UMOD: variants seen among roughly 807,000 people sequenced by gnomAD.
UMOD encodes uromodulin.
UMOD carries 64 observed loss-of-function variants against 66.0 expected under a neutral mutation model. The ratio of observed to expected loss-of-function variants is 0.97; its 90% CI spans 0.79 to 1.19. The LOEUF (loss-of-function observed/expected upper bound fraction) is 1.19, where lower values mean the gene tolerates loss of function less well. Ranked by LOEUF, UMOD falls within the 50% of genes most tolerant of loss-of-function variation. The pLI, the probability that UMOD is intolerant of heterozygous loss-of-function variation, is 0.00. For synonymous variants in UMOD, 398 were observed against 352.7 expected (o/e 1.13, Z -1.44); for missense variants, 764 against 850.9 (o/e 0.90, Z 1.27).
At chr16:20,335,418 A>C in intron 10 of UMOD, 64 bp downstream of exon 10, 2 of 1,533,502 alleles carry the variant, frequency 1.3e-6, no homozygotes, top group South Asian at 2.2e-5. Context: ...TTACAAGTTA[A>C]CAGATAGAAG....
chr16:20,340,458 ATATGTG>A (rs1208654737), intron 7 of UMOD, among the ~76,000 whole-genome samples: 10 of 116,572 alleles, frequency 8.6e-5, no homozygotes, highest in African/African-American at 4.0e-4. Context: ...GTGTGTATAT[ATATGTG>A]TGTGTGTGTA....
Position 20,338,905 on chromosome 16 carries a change from G to A in UMOD, c.1578-1452C>T, listed in dbSNP as rs150052437. Among the ~76,000 whole-genome samples, 1,084 of 152,108 alleles carry A rather than the reference G, an allele frequency of 7.1e-3. 13 individuals are homozygous for A. Among genetic ancestry groups the A allele is most frequent in the African/African-American group, 0.025 (1,019 of 41,490 alleles). ...CTCCCAAGTAGCTGGGATGACAGGC[G>A]CCCACCACCATGCCTGTCTAATTTT... On this transcript the variant is annotated intron_variant, in intron 7 of 10. Coordinates refer to ENST00000396138, the MANE Select transcript of UMOD (RefSeq NM_003361.4).
intron 5 of UMOD, among the ~76,000 whole-genome samples, chr16:20,344,818 C>T (rs1269591480): frequency 6.6e-6 from 1 of 152,170 alleles, no homozygotes; most frequent in African/African-American, 2.4e-5. Flanking sequence ...GCTGCCACAT[C>T]CCTGCTTCCC....
intron 10 of UMOD, among the ~76,000 whole-genome samples, chr16:20,334,476 C>CTGTACATGCAAATATAAATGCATGTACG (rs1964766478): frequency 1.3e-5 from 2 of 152,168 alleles, no homozygotes; most frequent in Non-Finnish European, 2.9e-5. Context: ...TTCTGTGCAT[C>CTGTACATGCAAATATAAATGCATGTACG]TGTACATGCA....
intron 10 of UMOD, among the ~76,000 whole-genome samples, chr16:20,334,080 G>A (rs149853771): frequency 3.5e-4 from 51 of 146,984 alleles, no homozygotes; most frequent in Middle Eastern, 3.8e-3. Context: ...GAACCTCCTT[G>A]GATCCAGGTA....
chr16:20,337,416 C>T lies in UMOD; in HGVS notation c.1615G>A (p.Glu539Lys). 1 of 1,614,194 alleles carries T rather than the reference C, an allele frequency of 6.2e-7. No homozygotes were observed. Among genetic ancestry groups the T allele is most frequent in the South Asian group, 1.1e-5 (1 of 91,084 alleles). ...HTRDSTIQVV[E>K]NGESSQGRFS... The stretch of plus-strand genomic sequence containing the variant: ...CGGCCCTGGGAGGACTCCCCATTCT[C>T]CACCACTTGGATAGTTGAGTCTCTA... Residue 539 changes from glutamate (E) to lysine (K), a missense_variant, in exon 8 of 11, where the codon GAG becomes AAG. Physicochemically the swap from Glu to Lys is moderately conservative, Grantham distance 56. Coordinates refer to ENST00000396138, the MANE Select transcript of UMOD (RefSeq NM_003361.4).
rs1965849508 is a variant in UMOD, at chr16:20,350,727, G to T, written c.11C>A (p.Pro4Gln). The change falls in exon 2 of 11, where the codon CCA (proline) becomes CAA (glutamine). Residue 4 changes from proline (P) to glutamine (Q), a missense_variant. Coordinates refer to ENST00000396138, the MANE Select transcript of UMOD (RefSeq NM_003361.4). ...CACCATCAGCATCCAAGTCAGAGAT[G>T]GCTGCCCCATCCTTTCTGCTCTTCC... MGQPSLTWMLMVVV... is the reference protein window; with the variant it reads MGQQSLTWMLMVVV... The T allele has an allele frequency of 6.2e-7, 1 of 1,614,068 alleles. No individual in the cohort carries two copies. The highest frequency in any genetic ancestry group is 1.1e-5 in the South Asian group (1 of 91,090).
In UMOD at chr16:20,350,685, A is replaced by G. The variant is rs765894486; in HGVS notation, c.53T>C (p.Phe18Ser). 1 of 1,614,148 alleles carries G rather than the reference A, an allele frequency of 6.2e-7. No individual in the cohort carries two copies. Among genetic ancestry groups the G allele is most frequent in the South Asian group, 1.1e-5 (1 of 91,086 alleles). Residue 18 changes from phenylalanine to serine, a missense_variant, in exon 2 of 11, where the codon TTC (phenylalanine) becomes TCC (serine). Phe to Ser is a radical substitution (Grantham distance 155). Transcript: ENST00000396138. ...GGTGTCAGTGGCTGCAGTTGTGATG[A>G]ACCAAGAGGCCACCACCACCATCAG... ...WMLMVVVASW[F>S]ITTAATDTSE... is the part of the protein sequence containing the mutation.
Position 20,346,121 on chromosome 16 carries a change from C to A in UMOD, c.1182+5G>T, listed in dbSNP as rs755374625. 1 of 1,613,248 alleles carries A rather than the reference C, an allele frequency of 6.2e-7. No individual in the cohort carries two copies. Among genetic ancestry groups the A allele is most frequent in the Non-Finnish European group, 8.5e-7 (1 of 1,179,818 alleles). ...TGGTTCTGTCCCCCACTGGCCAGGA[C>A]GTACCGTCAACACTGTCCCACAGGG... On this transcript the variant is annotated splice_donor_5th_base_variant and intron_variant, in intron 5 of 10. Transcript: ENST00000396138.
upstream of UMOD, among the ~76,000 whole-genome samples, chr16:20,354,894 T>A (rs1382841876): frequency 1.3e-5 from 2 of 152,096 alleles, no homozygotes; most frequent in African/African-American, 4.8e-5. Context: ...CTTGGCCTCC[T>A]TTTTGGGGCT....
chr16:20,344,697 A>C (rs1416317184), intron 5 of UMOD, among the ~76,000 whole-genome samples: 1 of 152,170 alleles, frequency 6.6e-6, no homozygotes, highest in Non-Finnish European at 1.5e-5. Flanking sequence ...TTAGAAAAAA[A>C]AAGTTACAAC....
In UMOD at chr16:20,336,735, G is replaced by T; in HGVS notation, c.1741-8C>A. 1 of 1,613,772 alleles carries T rather than the reference G, an allele frequency of 6.2e-7. No homozygotes were observed. Among genetic ancestry groups the T allele is most frequent in the Non-Finnish European group, 8.5e-7 (1 of 1,179,714 alleles). On this transcript the variant is annotated splice_polypyrimidine_tract_variant and splice_region_variant and intron_variant, in intron 8 of 10. Coordinates refer to ENST00000396138, the MANE Select transcript of UMOD (RefSeq NM_003361.4). Reference sequence around the variant, plus strand: ...TCTGGTCCCAGAGCAGGTCTACAGGGAGAGGGCAATAGAAAAACACCCTCC... The same window carrying T: ...TCTGGTCCCAGAGCAGGTCTACAGGTAGAGGGCAATAGAAAAACACCCTCC...
At chr16:20,343,038 G>A (rs1055414846) in intron 6 of UMOD, among the ~76,000 whole-genome samples, 7 of 152,140 alleles carry the variant, frequency 4.6e-5, no homozygotes, top group Non-Finnish European at 8.8e-5. Flanking sequence ...GCTGAGGCAG[G>A]AGAATCACTG....
intron 1 of UMOD, among the ~76,000 whole-genome samples, chr16:20,352,020 CCAA>C (rs1361024688): frequency 2.9e-5 from 4 of 140,302 alleles, no homozygotes; most frequent in African/African-American, 1.2e-4. Context: ...TCCCCCCCCC[CCAA>C]AAAAAAAAAG....
At chr16:20,340,854 C>T (rs1413863947) in intron 7 of UMOD, among the ~76,000 whole-genome samples, 2 of 151,986 alleles carry the variant, frequency 1.3e-5, no homozygotes, top group East Asian at 1.9e-4. Context: ...ATTAGCCAGG[C>T]CTGCTGGCCT....
At chr16:20,351,967 G>A (rs1459408505) in intron 1 of UMOD, among the ~76,000 whole-genome samples, 2 of 149,772 alleles carry the variant, frequency 1.3e-5, no homozygotes, top group East Asian at 3.9e-4. Context: ...GCAGTGAGCT[G>A]AGATCGTGCC....
chr16:20,346,936 A>G (rs186258482), intron 4 of UMOD, among the ~76,000 whole-genome samples: 1 of 152,202 alleles, frequency 6.6e-6, no homozygotes, highest in African/African-American at 2.4e-5. Flanking sequence ...AGCTGCAATT[A>G]CTTTCTACCC....
rs754657860 is a variant in UMOD at position 20,348,243 on chromosome 16, T to C, written c.953A>G (p.Lys318Arg). The change falls in exon 4 of 11, where the codon AAA (lysine) becomes AGA (arginine). Residue 318 changes from lysine (K) to arginine (R), a missense_variant. Transcript: ENST00000396138. ...SNNGRWHCQC[K>R]QDFNITDISL... is the part of the protein sequence containing the mutation. Reference sequence around the variant, plus strand: ...CTCACCAGTGATGTTGAAGTCCTGTTTGCACTGGCAGTGCCATCTGCCATT... The same window carrying C: ...CTCACCAGTGATGTTGAAGTCCTGTCTGCACTGGCAGTGCCATCTGCCATT... The C allele has an allele frequency of 4.3e-6, 7 of 1,614,014 alleles. No homozygotes were observed. The highest frequency in any genetic ancestry group is 4.2e-6 in the Non-Finnish European group (5 of 1,180,022).
rs1965732818 is a variant in UMOD at position 20,348,757 on chromosome 16, C to A, written c.544G>T (p.Glu182Ter). The A allele has an allele frequency of 6.5e-7, 1 of 1,544,050 alleles. No individual in the cohort carries two copies. The highest frequency in any genetic ancestry group is 1.4e-5 in the African/African-American group (1 of 73,138). The change falls in exon 3 of 11, where the codon GAG (glutamate) becomes TAG (stop). Residue 182 changes from glutamate to a stop codon, truncating the protein, a stop_gained. Coordinates refer to ENST00000396138, the MANE Select transcript of UMOD (RefSeq NM_003361.4). LOFTEE classifies it high-confidence loss of function. Reference protein sequence around the residue: ...DPCQAHRTLDEYWRSTEYGEG... With the variant: ...DPCQAHRTLD ...CCGTACTCGGTGCTGCGCCAGTACTCGTCCAGGGTGCGGTGCGCCTGGCAC... is the reference window on the plus strand; with the variant it reads ...CCGTACTCGGTGCTGCGCCAGTACTAGTCCAGGGTGCGGTGCGCCTGGCAC...
Sources: allele counts gnomAD v4.1 joint callset (sites outside exome capture counted in the v4.1 genomes callset), GRCh38; gene constraint gnomAD v4.1.1; transcripts MANE v1.5; gene names NCBI Gene and HGNC (gene_info 2026-07-23, HGNC 2026-07-21).